SIPA1L1: variants seen among roughly 807,000 people sequenced by gnomAD.
SIPA1L1 encodes the protein signal-induced proliferation-associated 1-like protein 1.
Under a neutral mutation model 162.7 loss-of-function variants are expected in SIPA1L1, and 26 were observed. That is an observed-to-expected ratio of 0.16 (90% CI 0.12 to 0.22). The LOEUF (loss-of-function observed/expected upper bound fraction) is 0.22. SIPA1L1 is among the 10% of genes least tolerant of loss of function. The pLI is 1.00. For synonymous variants in SIPA1L1, 829 were observed against 837.4 expected (o/e 0.99, Z 0.17); for missense variants, 1,874 against 2,241.0 (o/e 0.84, Z 3.31).
chr14:71,617,114 C>A (rs571048803), intron 5 of SIPA1L1, among the ~76,000 whole-genome samples: 1 of 152,248 alleles, frequency 6.6e-6, no homozygotes, highest in African/African-American at 2.4e-5. Flanking sequence ...AGTAAATGGC[C>A]CCAGACTGCT....
intron 2 of SIPA1L1, among the ~76,000 whole-genome samples, chr14:71,333,861 A>G (rs542522958): frequency 1.7e-4 from 26 of 152,300 alleles, no homozygotes; most frequent in South Asian, 2.1e-4. Flanking sequence ...GCAATGCTCT[A>G]TAGGTGAGAT....
At chr14:71,719,311 A>G (rs946689207) in intron 17 of SIPA1L1, among the ~76,000 whole-genome samples, 3 of 152,150 alleles carry the variant, frequency 2.0e-5, no homozygotes, top group Non-Finnish European at 1.5e-5. Context: ...TGGGAATGCA[A>G]TATCCATGTC....
At chr14:71,629,885 A>G (rs1478507530) in intron 7 of SIPA1L1, among the ~76,000 whole-genome samples, 1 of 152,242 alleles carries the variant, frequency 6.6e-6, no homozygotes, top group Non-Finnish European at 1.5e-5. Context: ...TTATGTGGTA[A>G]TGAATAGCAC....
intron 15 of SIPA1L1, 54 bp downstream of exon 15, chr14:71,702,559 C>T (rs1340742806): frequency 1.2e-5 from 19 of 1,534,994 alleles, no homozygotes; most frequent in Non-Finnish European, 1.6e-5. Flanking sequence ...TGACTTAGGT[C>T]ACCTCTTGAT....
intron 2 of SIPA1L1, among the ~76,000 whole-genome samples, chr14:71,434,101 A>C (rs2044200594): frequency 6.6e-6 from 1 of 152,220 alleles, no homozygotes; most frequent in South Asian, 2.1e-4. Flanking sequence ...TCACTAATTA[A>C]AAATTGGATC....
intron 2 of SIPA1L1, among the ~76,000 whole-genome samples, chr14:71,410,553 T>C (rs986593265): frequency 6.6e-6 from 1 of 152,230 alleles, no homozygotes; most frequent in African/African-American, 2.4e-5. Flanking sequence ...TTGAAATATT[T>C]GTAGTATACT....
At chr14:71,366,699 GTGC>G (rs1344652211) in intron 2 of SIPA1L1, among the ~76,000 whole-genome samples, 1 of 152,134 alleles carries the variant, frequency 6.6e-6, no homozygotes, top group African/African-American at 2.4e-5. Context: ...GCCTCCCAAA[GTGC>G]TGGGATTACA....
At chr14:71,571,711 G>A (rs564685686) in intron 4 of SIPA1L1, among the ~76,000 whole-genome samples, 2 of 151,808 alleles carry the variant, frequency 1.3e-5, no homozygotes, top group African/African-American at 4.8e-5. Context: ...GCACAATCTC[G>A]GCTCACTACA....
intron 4 of SIPA1L1, among the ~76,000 whole-genome samples, chr14:71,581,485 C>A (rs1254681006): frequency 6.6e-6 from 1 of 152,154 alleles, no homozygotes; most frequent in Non-Finnish European, 1.5e-5. Context: ...GCACTTACCC[C>A]GTGTGCTGGA....
At chr14:71,344,587 T>A (rs2035970414) in intron 2 of SIPA1L1, among the ~76,000 whole-genome samples, 1 of 152,104 alleles carries the variant, frequency 6.6e-6, no homozygotes, top group South Asian at 2.1e-4. Context: ...AGAGATGGGG[T>A]CTCAGTCTGT....
chr14:71,494,523 C>CTTT (rs201797447), intron 2 of SIPA1L1, among the ~76,000 whole-genome samples: 1 of 126,736 alleles, frequency 7.9e-6, no homozygotes, highest in African/African-American at 2.9e-5. Flanking sequence ...CTTTTCTTTT[C>CTTT]TTTTTTTTTT....
At chr14:71,682,591 A>C (rs1424389293) in intron 12 of SIPA1L1, among the ~76,000 whole-genome samples, 1 of 152,370 alleles carries the variant, frequency 6.6e-6, no homozygotes, top group African/African-American at 2.4e-5. Context: ...TGGGATATGA[A>C]GAAAGTTTCT....
At chr14:71,490,368 G>A (rs1440429923) in intron 2 of SIPA1L1, among the ~76,000 whole-genome samples, 1 of 152,000 alleles carries the variant, frequency 6.6e-6, no homozygotes, top group Non-Finnish European at 1.5e-5. Flanking sequence ...TTTCCTTGAG[G>A]CTGATGATAC....
intron 7 of SIPA1L1, among the ~76,000 whole-genome samples, chr14:71,644,873 T>A (rs1046335469): frequency 6.6e-6 from 1 of 152,230 alleles, no homozygotes; most frequent in African/African-American, 2.4e-5. Flanking sequence ...AGTTTGTCTC[T>A]TGTTTGTTCT....
At chr14:71,407,671 T>G (rs1251977379) in intron 2 of SIPA1L1, among the ~76,000 whole-genome samples, 1 of 152,188 alleles carries the variant, frequency 6.6e-6, no homozygotes, top group Admixed American at 6.5e-5. Context: ...CACACCTGCC[T>G]AATTTATGTT....
intron 5 of SIPA1L1, among the ~76,000 whole-genome samples, chr14:71,608,740 C>G (rs1046137141): frequency 1.3e-5 from 2 of 151,994 alleles, no homozygotes; most frequent in African/African-American, 4.8e-5. Context: ...ACTAAAAATA[C>G]AGAGGTAAGC....
chr14:71,440,991 G>T (rs556567307), intron 2 of SIPA1L1, among the ~76,000 whole-genome samples: 1 of 152,240 alleles, frequency 6.6e-6, no homozygotes, highest in East Asian at 1.9e-4. Context: ...TTCTTTAAAA[G>T]ATATCACTAA....
intron 16 of SIPA1L1, 42 bp downstream of exon 16, chr14:71,705,382 A>G: frequency 7.4e-7 from 1 of 1,358,850 alleles, no homozygotes; most frequent in Admixed American, 1.7e-5. Flanking sequence ...GATTCCTAGC[A>G]GTGTACCTTC....
chr14:71,567,550 A>G (rs77168094), intron 4 of SIPA1L1, among the ~76,000 whole-genome samples: 759 of 142,612 alleles, frequency 5.3e-3, no homozygotes, highest in Middle Eastern at 0.012. Flanking sequence ...GGGCTGCTCA[A>G]TGGAGCAAAC....
Sources: gnomAD v4.1 joint callset for allele counts (sites outside exome capture counted in the v4.1 genomes callset) on GRCh38, gnomAD v4.1.1 for gene constraint, MANE v1.5 for transcripts, NCBI Gene and HGNC (gene_info 2026-07-23, HGNC 2026-07-21) for gene names.